TMEM62: variants seen among roughly 807,000 people sequenced by gnomAD.
The protein encoded by TMEM62 is transmembrane protein 62.
In TMEM62, 41 loss-of-function variants were observed where a neutral mutation model predicts 70.4. The ratio of observed to expected loss-of-function variants is 0.58; its 90% CI spans 0.45 to 0.76. The LOEUF (loss-of-function observed/expected upper bound fraction) is 0.76, where lower values mean the gene tolerates loss of function less well. TMEM62 is among the 30% of genes least tolerant of loss of function. TMEM62 has a pLI of 0.00. For synonymous variants in TMEM62, 268 were observed against 291.0 expected, an observed-to-expected ratio of 0.92 and a Z score of 0.80; for missense variants, 688 against 788.5, an observed-to-expected ratio of 0.87 and a Z score of 1.53.
chr15:43,156,005 G>A (rs1243760333), intron 9 of TMEM62, among the ~76,000 whole-genome samples: 1 of 151,814 alleles, frequency 6.6e-6, no homozygotes, highest in African/African-American at 2.4e-5. Context: ...CTCTTAAGGC[G>A]ATAAGCTGTG....
At chr15:43,148,222 T>A (rs2036913005) in intron 5 of TMEM62, among the ~76,000 whole-genome samples, 1 of 152,210 alleles carries the variant, frequency 6.6e-6, no homozygotes, top group Non-Finnish European at 1.5e-5. Flanking sequence ...TACTCTTGGG[T>A]CTGGCTTCTT....
intron 11 of TMEM62, among the ~76,000 whole-genome samples, chr15:43,171,074 G>A (rs1371970441): frequency 6.6e-6 from 1 of 152,144 alleles, no homozygotes; most frequent in Non-Finnish European, 1.5e-5. Context: ...AGTGGCTCAC[G>A]CCTGTAATCT....
chr15:43,172,960 G>A (rs1315627549), intron 11 of TMEM62, among the ~76,000 whole-genome samples: 20 of 152,170 alleles, frequency 1.3e-4, no homozygotes, highest in Admixed American at 1.3e-3. Context: ...AGGTGCAGTG[G>A]CTCATGCCTG....
At chr15:43,171,239 G>C (rs2040152493) in intron 11 of TMEM62, among the ~76,000 whole-genome samples, 1 of 151,860 alleles carries the variant, frequency 6.6e-6, no homozygotes, top group South Asian at 2.1e-4. Context: ...GGGAGGCTGA[G>C]GCATGAGAAT....
At position 43,133,760 on chromosome 15, in the gene TMEM62, C is replaced by G. The variant is rs943587090; in HGVS notation, c.-43C>G. 1.5e-6 allele frequency: 2 copies of G among 1,315,416 alleles called. No homozygotes were observed. Among genetic ancestry groups the G allele is most frequent in the East Asian group, 3.1e-5 (1 of 31,832 alleles). 81.5% of individuals were successfully genotyped at this position (1,315,416 alleles called of 1,614,324 possible). A position where few individuals can be genotyped will look rare whatever the true frequency, so the allele number is the denominator to read the frequency against. ...CGGCTCCCGGGAGCGCCGCGCGGTC[C>G]TGCGCGGGATCAGCGAGGGCCGCGC... On this transcript the variant is annotated 5_prime_UTR_variant, in exon 1 of 14. Transcript: ENST00000260403.
At chr15:43,162,067 ATT>A (rs1424137813) in intron 10 of TMEM62, among the ~76,000 whole-genome samples, 2 of 151,488 alleles carry the variant, frequency 1.3e-5, no homozygotes, top group Non-Finnish European at 2.9e-5. Flanking sequence ...TGTCTTGACT[ATT>A]TTCTCTTATC....
At chr15:43,160,213 C>A (rs990661601) in intron 9 of TMEM62, 1 of 152,132 alleles carries the variant, frequency 6.6e-6, no homozygotes, top group African/African-American at 2.4e-5. Context: ...AAGTGATCCA[C>A]CTGCCTTGGC....
At chr15:43,168,093 C>T (rs537847527) in intron 10 of TMEM62, among the ~76,000 whole-genome samples, 3 of 145,758 alleles carry the variant, frequency 2.1e-5, no homozygotes, top group Non-Finnish European at 3.0e-5. Context: ...AGCTTCGGCT[C>T]GGCATCAGAG....
rs1490277449 is a variant in TMEM62, at chr15:43,152,415, G to A, written c.1022+470G>A. ...TTTGTTTTGTTTTGTTTTGATTTTC[G>A]ACAGAGTCTTGCTTTGTTGCCCGGG... On this transcript the variant is annotated intron_variant, in intron 8 of 13. Transcript: ENST00000260403. Among the ~76,000 whole-genome samples the A allele has an allele frequency of 3.3e-5, 5 of 150,814 alleles. No homozygotes were observed. In the East Asian group the frequency reaches 9.7e-4, roughly 29 times the overall value.
intron 11 of TMEM62, among the ~76,000 whole-genome samples, chr15:43,175,109 A>G (rs1273077853): frequency 6.6e-6 from 1 of 152,248 alleles, no homozygotes; most frequent in Non-Finnish European, 1.5e-5. Flanking sequence ...AATGGAGAAT[A>G]ATTACTTAAA....
At chr15:43,155,299 C>T (rs1426849661) in intron 9 of TMEM62, among the ~76,000 whole-genome samples, 3 of 151,778 alleles carry the variant, frequency 2.0e-5, no homozygotes, top group African/African-American at 4.8e-5. Flanking sequence ...TAGTTTGAGA[C>T]CAGCCAGGGC....
Position 43,184,471 on chromosome 15 carries a change from C to G in TMEM62, c.1817C>G (p.Pro606Arg), listed in dbSNP as rs977749298. 1 of 1,614,190 alleles carries G rather than the reference C, an allele frequency of 6.2e-7. No homozygotes were observed. The highest frequency in any genetic ancestry group is 8.5e-7 in the Non-Finnish European group (1 of 1,180,046). The change falls in exon 14 of 14, where the codon CCT becomes CGT. Residue 606 changes from proline (P) to arginine (R), a missense_variant. Coordinates refer to ENST00000260403, the MANE Select transcript of TMEM62 (RefSeq NM_024956.4). ...TYGTLAFLFS[P>R]LRTWLTLLTP... ...GGCACCCTAGCTTTTTTATTCTCCC[C>G]TTTGCGGACCTGGTTGACACTGCTG...
Position 43,135,654 on chromosome 15 carries a change from G to A in TMEM62, c.430+5G>A. Reference sequence around the variant, plus strand: ...TGGATATCAAAGGAAATCATGGTAAGAGCCAAGAGCCAGATACAATAAAGA... The same window carrying A: ...TGGATATCAAAGGAAATCATGGTAAAAGCCAAGAGCCAGATACAATAAAGA... On this transcript the variant is annotated splice_donor_5th_base_variant and intron_variant, in intron 3 of 13. Transcript: ENST00000260403. 6.3e-7 allele frequency: 1 copy of A among 1,584,966 alleles called. No individual in the cohort carries two copies. Among genetic ancestry groups the A allele is most frequent in the South Asian group, 1.2e-5 (1 of 85,192 alleles).
intron 2 of TMEM62, 52 bp from the exon 3 acceptor site, chr15:43,135,460 A>G (rs1443808400): frequency 6.5e-6 from 10 of 1,534,942 alleles, no homozygotes; most frequent in Non-Finnish European, 8.7e-6. Context: ...AAAAAATGGA[A>G]CCCCCAGTAG....
intron 11 of TMEM62, among the ~76,000 whole-genome samples, chr15:43,176,035 C>T (rs746979883): frequency 6.6e-5 from 10 of 152,350 alleles, no homozygotes; most frequent in South Asian, 2.1e-4. Flanking sequence ...GATTATATCC[C>T]GCACCTGGCT....
At position 43,134,139 on chromosome 15, in the gene TMEM62, G is replaced by C. The variant is rs948489713; in HGVS notation, c.181-118G>C. ...TGCTGGCCCTGTCCTTACCTGGGGG[G>C]TTCGTTATGCATTGCCTCTTTGCCT... On this transcript the variant is annotated intron_variant, in intron 1 of 13. Transcript: ENST00000260403. 7 of 1,440,462 alleles carry C rather than the reference G, an allele frequency of 4.9e-6. No homozygotes were observed. The African/African-American group carries it at 5.6e-5, about 12-fold the overall frequency. 89.2% of individuals were successfully genotyped at this position (1,440,462 alleles called of 1,614,324 possible). A position where few individuals can be genotyped will look rare whatever the true frequency, so the allele number is the denominator to read the frequency against.
intron 4 of TMEM62, among the ~76,000 whole-genome samples, chr15:43,141,562 C>T (rs937437804): frequency 2.0e-5 from 3 of 152,194 alleles, no homozygotes; most frequent in African/African-American, 7.2e-5. Flanking sequence ...TATTTTCATG[C>T]CTGCTAGCGC....
chr15:43,179,096 C>T (rs1019337571), intron 12 of TMEM62, among the ~76,000 whole-genome samples: 8 of 152,080 alleles, frequency 5.3e-5, no homozygotes, highest in Non-Finnish European at 1.2e-4. Flanking sequence ...TATCTATTAA[C>T]TCATTAAAAT....
At chr15:43,180,247 C>T (rs564992420) in intron 12 of TMEM62, among the ~76,000 whole-genome samples, 15 of 152,198 alleles carry the variant, frequency 9.9e-5, no homozygotes, top group South Asian at 4.1e-4. Flanking sequence ...CTCAGCCTCC[C>T]GACTAGCTGG....
Sources: gnomAD v4.1 joint callset for allele counts (sites outside exome capture counted in the v4.1 genomes callset) on GRCh38, gnomAD v4.1.1 for gene constraint, MANE v1.5 for transcripts, NCBI Gene and HGNC (gene_info 2026-07-23, HGNC 2026-07-21) for gene names.